The following DENND2B variants were observed in gnomAD, a reference collection of about 807,000 sequenced individuals.
The protein encoded by DENND2B is DENN domain-containing protein 2B.
In DENND2B, 32 loss-of-function variants were observed where a neutral mutation model predicts 116.0. The observed-to-expected ratio is 0.28, with a 90% CI of 0.21 to 0.37. The LOEUF (loss-of-function observed/expected upper bound fraction) is 0.37, where lower values mean the gene tolerates loss of function less well. DENND2B is among the 10% of genes least tolerant of loss of function. The pLI, the probability that DENND2B is intolerant of heterozygous loss-of-function variation, is 1.00. For missense variants in DENND2B, 1,276 were observed against 1,477.7 expected (o/e 0.86, Z 2.24); for synonymous variants, 588 against 583.9 (o/e 1.01, Z -0.10).
chr11:8,809,724 A>C (rs919556036), intron 1 of DENND2B: 1 of 152,198 alleles, frequency 6.6e-6, no homozygotes, highest in Non-Finnish European at 1.5e-5. Context: ...GTCAAAATGT[A>C]ACCAAAGGAA....
chr11:8,889,799 A>G (rs1465570148), intron 1 of DENND2B, among the ~76,000 whole-genome samples: 1 of 152,216 alleles, frequency 6.6e-6, no homozygotes, highest in African/African-American at 2.4e-5. Context: ...CTGCCTCTGT[A>G]GACTCCACCT....
At chr11:8,793,291 A>C (rs557728262) in intron 1 of DENND2B, among the ~76,000 whole-genome samples, 1 of 152,288 alleles carries the variant, frequency 6.6e-6, no homozygotes, top group South Asian at 2.1e-4. Context: ...ACTATTTCCC[A>C]AACTTCTCCA....
intron 2 of DENND2B, among the ~76,000 whole-genome samples, chr11:8,743,360 G>A (rs561141360): frequency 6.6e-6 from 1 of 151,826 alleles, no homozygotes; most frequent in Admixed American, 6.6e-5. Flanking sequence ...GACCAGCCTG[G>A]TCAACATGGC....
chr11:8,895,805 T>C lies in DENND2B; in HGVS notation c.-255-14696A>G, dbSNP rs913782880. Reference sequence around the variant, plus strand: ...TTTGTTAAAGAAAGGTTTATTCTTTTAGAGATGGGGGTTCCGCTATGTTGA... The same window carrying C: ...TTTGTTAAAGAAAGGTTTATTCTTTCAGAGATGGGGGTTCCGCTATGTTGA... On this transcript the variant is annotated intron_variant, in intron 1 of 22. Transcript: ENST00000534127. 7.9e-5 allele frequency among the ~76,000 whole-genome samples: 12 copies of C among 152,258 alleles called. No individual in the cohort carries two copies. In the South Asian group the frequency reaches 2.5e-3, roughly 32 times the overall value.
chr11:8,708,805 G>T (rs1182318863), intron 11 of DENND2B, among the ~76,000 whole-genome samples: 1 of 152,144 alleles, frequency 6.6e-6, no homozygotes, highest in African/African-American at 2.4e-5. Context: ...TACAAAATTA[G>T]CCGGTCATAG....
intron 1 of DENND2B, chr11:8,774,057 G>A: frequency 1.0e-6 from 1 of 962,304 alleles, no homozygotes; most frequent in Non-Finnish European, 1.2e-6. Context: ...AAAATGGAGA[G>A]AACAGTTCCA....
intron 1 of DENND2B, among the ~76,000 whole-genome samples, chr11:8,775,202 G>C (rs868858506): frequency 1.6e-4 from 25 of 152,104 alleles, no homozygotes; most frequent in African/African-American, 5.8e-4. Flanking sequence ...CTTATAAGTG[G>C]ATGGACTAGA....
intron 2 of DENND2B, among the ~76,000 whole-genome samples, chr11:8,733,706 C>T (rs1169035968): frequency 6.6e-6 from 1 of 152,146 alleles, no homozygotes; most frequent in African/African-American, 2.4e-5. Context: ...GGGCATGGCT[C>T]CTTGGGATAG....
At chr11:8,696,406 G>C (rs997251503) in intron 18 of DENND2B, 21 bp downstream of exon 18, 5 of 1,612,490 alleles carry the variant, frequency 3.1e-6, no homozygotes, top group Non-Finnish European at 4.2e-6. Flanking sequence ...TTAGAGAAGA[G>C]AGCTGATAAC....
chr11:8,807,668 A>G (rs1377439050), intron 1 of DENND2B, among the ~76,000 whole-genome samples: 1 of 152,162 alleles, frequency 6.6e-6, no homozygotes, highest in Non-Finnish European at 1.5e-5. Flanking sequence ...TTTAATCCTT[A>G]AGGAACATAG....
At chr11:8,805,603 C>T (rs946683714) in intron 1 of DENND2B, among the ~76,000 whole-genome samples, 4 of 152,100 alleles carry the variant, frequency 2.6e-5, no homozygotes, top group Non-Finnish European at 4.4e-5. Context: ...TCATTCGAAT[C>T]GTGCTTGAAA....
intron 2 of DENND2B, among the ~76,000 whole-genome samples, chr11:8,879,227 G>A (rs2063876241): frequency 6.6e-6 from 1 of 152,178 alleles, no homozygotes; most frequent in African/African-American, 2.4e-5. Context: ...CATTGAAGAA[G>A]GGGTAAGAGA....
chr11:8,710,330 G>C (rs1290939165), intron 11 of DENND2B, among the ~76,000 whole-genome samples: 1 of 152,048 alleles, frequency 6.6e-6, no homozygotes, highest in Non-Finnish European at 1.5e-5. Flanking sequence ...ATCTCTCTCA[G>C]ATTCCCAGAG....
intron 4 of DENND2B, among the ~76,000 whole-genome samples, chr11:8,819,225 A>C (rs114975088): frequency 6.6e-6 from 1 of 151,958 alleles, no homozygotes; most frequent in Non-Finnish European, 1.5e-5. Context: ...CAAAACCCCC[A>C]TCTCTACAAA....
Position 8,708,095 on chromosome 11 carries a change from C to G in DENND2B, c.2353-241G>C. ...GGTACCAGGCTCCTGCCAGGCTCCA[C>G]ACAGGCTCCACCCTTCCTCCCAGGA... On this transcript the variant is annotated intron_variant, in intron 11 of 19. Coordinates refer to ENST00000313726, the MANE Select transcript of DENND2B (RefSeq NM_213618.2). 6 of 1,442,648 alleles carry G rather than the reference C, an allele frequency of 4.2e-6. No homozygotes were observed. The South Asian group carries it at 8.1e-5, about 19-fold the overall frequency. 89.4% of individuals were successfully genotyped at this position (1,442,648 alleles called of 1,614,324 possible).
upstream of DENND2B, among the ~76,000 whole-genome samples, chr11:8,812,527 C>T (rs1452142429): frequency 6.6e-6 from 1 of 152,072 alleles, no homozygotes; most frequent in African/African-American, 2.4e-5. Flanking sequence ...AAATTACTTG[C>T]CCCAGGTCAT....
intron 4 of DENND2B, among the ~76,000 whole-genome samples, chr11:8,830,030 C>T (rs1482607768): frequency 6.6e-6 from 1 of 152,210 alleles, no homozygotes; most frequent in Non-Finnish European, 1.5e-5. Context: ...GACTCGCCCC[C>T]TTCCTCTCTC....
At position 8,792,400 on chromosome 11, in the gene DENND2B, G is replaced by A. The variant is rs955121498; in HGVS notation, c.-26+18117C>T. Among the ~76,000 whole-genome samples the A allele has an allele frequency of 9.2e-5, 14 of 152,024 alleles. No individual in the cohort carries two copies. In the East Asian group the frequency reaches 1.3e-3, roughly 15 times the overall value. On this transcript the variant is annotated intron_variant, in intron 1 of 19. Coordinates refer to ENST00000313726, the MANE Select transcript of DENND2B (RefSeq NM_213618.2). The stretch of plus-strand genomic sequence containing the variant: ...AAATTCAACTCCACAGCCGAGAAGC[G>A]AGATGAGGGGAAGCACCTTGAAGGA...
chr11:8,710,785 A>ACACC, intron 11 of DENND2B, 60 bp downstream of exon 11: 1 of 1,450,918 alleles, frequency 6.9e-7, no homozygotes, highest in Non-Finnish European at 9.6e-7. Flanking sequence ...ACACACACAC[A>ACACC]CACACACACC....
Sources: gnomAD v4.1 joint callset for allele counts (sites outside exome capture counted in the v4.1 genomes callset) on GRCh38, gnomAD v4.1.1 for gene constraint, MANE v1.5 for transcripts, NCBI Gene and HGNC (gene_info 2026-07-23, HGNC 2026-07-21) for gene names.